SPTB: variants seen among roughly 807,000 people sequenced by gnomAD.
SPTB encodes the protein spectrin beta chain, erythrocytic.
A neutral mutation model predicts 256.2 loss-of-function variants in SPTB; 45 were observed. The ratio of observed to expected loss-of-function variants is 0.18; its 90% CI spans 0.14 to 0.23. SPTB has a LOEUF of 0.23. SPTB is among the 10% of genes least tolerant of loss of function. The pLI is 1.00. For missense variants in SPTB, 2,715 were observed against 3,040.4 expected, an observed-to-expected ratio of 0.89 and a Z score of 2.52; for synonymous variants, 1,231 against 1,243.1, an observed-to-expected ratio of 0.99 and a Z score of 0.21.
At position 64,785,890 on chromosome 14, in the gene SPTB, C is replaced by T. The variant is rs139262198; in HGVS notation, c.3623G>A (p.Arg1208Gln). ...AGACCCCAAGAAATCCTCAAACTTC[C>T]GGATCCCAGCCTCTGCAGCTTCCAG... is the stretch of plus-strand genomic sequence containing the variant. ...DSLEAAEAGI[R>Q]KFEDFLGSME... The change falls in exon 17 of 36, where the codon CGG (arginine) becomes CAG (glutamine). Residue 1208 changes from arginine to glutamine, a missense_variant. Arg to Gln is a conservative substitution (Grantham distance 43, BLOSUM62 1). Coordinates refer to ENST00000644917, the MANE Select transcript of SPTB (RefSeq NM_001355436.2). This position sits in a 1 kb window ranked among gnomAD's most constrained non-coding sequence, Gnocchi z 4.4. 2.0e-5 allele frequency: 32 copies of T among 1,614,118 alleles called. No homozygotes were observed. The highest frequency in any genetic ancestry group is 1.6e-4 in the East Asian group (7 of 44,878).
chr14:64,822,809 T>C (rs2083316812), intron 2 of SPTB, 138 bp downstream of exon 2: 2 of 1,358,060 alleles, frequency 1.5e-6, no homozygotes, highest in South Asian at 2.4e-5. Flanking sequence ...CCCACCTCCC[T>C]GAGCCCGACA....
Position 64,749,902 on chromosome 14 carries a change from C to T in SPTB, c.6776+79G>A, listed in dbSNP as rs1002512444. The T allele has an allele frequency of 5.7e-6, 9 of 1,588,460 alleles. No individual in the cohort carries two copies. The Admixed American group carries it at 1.2e-4, about 21-fold the overall frequency. On this transcript the variant is annotated intron_variant, in intron 34 of 35. Coordinates refer to ENST00000644917, the MANE Select transcript of SPTB (RefSeq NM_001355436.2). This position sits in a 1 kb window ranked among gnomAD's most constrained non-coding sequence, Gnocchi z 4.7. The stretch of plus-strand genomic sequence containing the variant: ...AGCAGCTCAGGCCTGGCACTGGTCC[C>T]CTACAGAGGGCCTCTGCCCTGCCAC...
chr14:64,856,628 C>A (rs1397119853), intron 1 of SPTB, among the ~76,000 whole-genome samples: 3 of 152,254 alleles, frequency 2.0e-5, no homozygotes, highest in Non-Finnish European at 4.4e-5. Flanking sequence ...TTAGCCAGGG[C>A]AAACTTTGCA....
rs187567924 is a variant in SPTB at position 64,841,517 on chromosome 14, A to G, written c.-51-18372T>C. ...GAGGCCCAGGAGGCTCTTCAGGGTC[A>G]CAGCTAATCCACGCCCTGAGATTTC... On this transcript the variant is annotated intron_variant, in intron 1 of 35. Coordinates refer to ENST00000644917, the MANE Select transcript of SPTB (RefSeq NM_001355436.2). The surrounding 1 kb of genome is among the most constrained non-coding windows in gnomAD (Gnocchi z 4.6). 8.3e-4 allele frequency among the ~76,000 whole-genome samples: 126 copies of G among 152,346 alleles called. 4 individuals are homozygous for G. In the East Asian group the frequency reaches 0.02, roughly 24 times the overall value.
At position 64,859,779 on chromosome 14, in the gene SPTB, G is replaced by A. The variant is rs961995575; in HGVS notation, c.-52+20013C>T. ...TGTATAAAAGAATATGGAGGAATAT[G>A]CATCAAATTATGGTCCATGATTATC... On this transcript the variant is annotated intron_variant, in intron 1 of 35. Coordinates refer to ENST00000644917, the MANE Select transcript of SPTB (RefSeq NM_001355436.2). Among the ~76,000 whole-genome samples the A allele has an allele frequency of 1.1e-4, 17 of 151,988 alleles. 1 individual carries two copies. Among genetic ancestry groups the A allele is most frequent in the Admixed American group, 9.8e-4 (15 of 15,266 alleles).
In SPTB at chr14:64,753,616, G is replaced by T. The variant is rs754077015; in HGVS notation, c.6523C>A (p.His2175Asn). ...EPATLPAPRD[H>N]GQSVQMEGYL... is the part of the protein sequence containing the mutation. ...CCTTCCATCTGCACACTCTGCCCATGGTCCCGCGGGGCCGGCAGCGTTGCG... is the reference window on the plus strand; with the variant it reads ...CCTTCCATCTGCACACTCTGCCCATTGTCCCGCGGGGCCGGCAGCGTTGCG... The change falls in exon 33 of 36, where the codon CAT becomes AAT. Residue 2175 changes from histidine to asparagine, a missense_variant. Around this residue, in one of 4 missense-constraint regions of SPTB, gnomAD observed 2,239 missense variants for 2,384.4 expected, o/e 0.94. Coordinates refer to ENST00000644917, the MANE Select transcript of SPTB (RefSeq NM_001355436.2). 7.4e-6 allele frequency: 12 copies of T among 1,613,542 alleles called. No individual in the cohort carries two copies.
chr14:64,875,866 C>T (rs917507533), intron 1 of SPTB, among the ~76,000 whole-genome samples: 1 of 152,178 alleles, frequency 6.6e-6, no homozygotes, highest in Admixed American at 6.5e-5. Flanking sequence ...CTTGATCTTC[C>T]CAAGTTCATT....
chr14:64,762,919 G>C (rs1449645366), intron 32 of SPTB, among the ~76,000 whole-genome samples: 1 of 152,238 alleles, frequency 6.6e-6, no homozygotes, highest in African/African-American at 2.4e-5. Context: ...GTGATTAGGA[G>C]CACCAATCCC....
intron 1 of SPTB, among the ~76,000 whole-genome samples, chr14:64,863,332 T>C (rs894333629): frequency 9.2e-5 from 14 of 152,216 alleles, no homozygotes; most frequent in African/African-American, 3.4e-4. Flanking sequence ...AAGATTCTCA[T>C]AACGTTTTTT....
At position 64,773,249 on chromosome 14, in the gene SPTB, C is replaced by T. The variant is rs777293570; in HGVS notation, c.5149G>A (p.Glu1717Lys). 6.2e-7 allele frequency: 1 copy of T among 1,614,264 alleles called. No homozygotes were observed. ...ACGTGGTCAAAGTCTTGCCCCATTTCCGGGGAAGAGGCCACTAGCTCCTTT... is the reference window on the plus strand; with the variant it reads ...ACGTGGTCAAAGTCTTGCCCCATTTTCGGGGAAGAGGCCACTAGCTCCTTT... ...SEKELVASSP[E>K]MGQDFDHVTL... Residue 1717 changes from glutamate (E) to lysine (K), a missense_variant, in exon 25 of 36, where the codon GAA (glutamate) becomes AAA (lysine). Transcript: ENST00000644917.
rs1209090678 is a variant in SPTB, at chr14:64,786,273, C to T, written c.3561+131G>A. Reference sequence around the variant, plus strand: ...GGCCCCTAATGAGAAACAAAGATTTCCCCCATGAGTGAATACAGAGTACAA... The same window carrying T: ...GGCCCCTAATGAGAAACAAAGATTTTCCCCATGAGTGAATACAGAGTACAA... On this transcript the variant is annotated intron_variant, in intron 16 of 35. Coordinates refer to ENST00000644917, the MANE Select transcript of SPTB (RefSeq NM_001355436.2). This position sits in a 1 kb window ranked among gnomAD's most constrained non-coding sequence, Gnocchi z 5.6. 188 of 1,308,088 alleles carry T rather than the reference C, an allele frequency of 1.4e-4. No homozygotes were observed. The highest frequency in any genetic ancestry group is 1.8e-4 in the Non-Finnish European group (169 of 915,072). 81.0% of individuals were successfully genotyped at this position (1,308,088 alleles called of 1,614,324 possible).
In SPTB at chr14:64,779,843, G is replaced by A. The variant is rs768609633; in HGVS notation, c.4355C>T (p.Ala1452Val). 3.5e-5 allele frequency: 57 copies of A among 1,614,026 alleles called. No homozygotes were observed. The highest frequency in any genetic ancestry group is 3.5e-4 in the South Asian group (32 of 91,078). ...VPSMGEEGGD[A>V]DLSIEKRFLD... The stretch of plus-strand genomic sequence containing the variant: ...GAACCGCTTCTCGATGCTCAAGTCT[G>A]CATCTCCTCCCTCCTCTCCCATTGA... Residue 1452 changes from alanine (A) to valine (V), a missense_variant, in exon 21 of 36, where the codon GCA (alanine) becomes GTA (valine). Physicochemically the swap from Ala to Val is moderately conservative, Grantham distance 64 (BLOSUM62 0). Coordinates refer to ENST00000644917, the MANE Select transcript of SPTB (RefSeq NM_001355436.2). The surrounding 1 kb of genome is among the most constrained non-coding windows in gnomAD (Gnocchi z 4.2).
chr14:64,787,818 C>G (rs1472596584), intron 15 of SPTB, among the ~76,000 whole-genome samples: 1 of 152,208 alleles, frequency 6.6e-6, no homozygotes, highest in East Asian at 1.9e-4. Flanking sequence ...GGCCTGGGGT[C>G]AGTCTGCAGT....
intron 1 of SPTB, among the ~76,000 whole-genome samples, chr14:64,831,894 T>C (rs967893121): frequency 2.6e-5 from 4 of 152,248 alleles, no homozygotes; most frequent in South Asian, 2.1e-4. Flanking sequence ...AAAAAATATA[T>C]GCATGTAAGC....
At position 64,787,319 on chromosome 14, in the gene SPTB, G is replaced by A. The variant is rs538816382; in HGVS notation, c.2805-159C>T. On this transcript the variant is annotated intron_variant, in intron 15 of 35. Coordinates refer to ENST00000644917, the MANE Select transcript of SPTB (RefSeq NM_001355436.2). ...AAAAAATCTACCTAACGAAGTGTAG[G>A]TGAGCAAAATTCACTTCTCCAATTT... Among the ~76,000 whole-genome samples, 4 of 152,158 alleles carry A rather than the reference G, an allele frequency of 2.6e-5. No homozygotes were observed. The South Asian group carries it at 6.2e-4, about 24-fold the overall frequency.
chr14:64,844,211 T>A lies in SPTB; in HGVS notation c.-51-21066A>T, dbSNP rs1051973151. Among the ~76,000 whole-genome samples, 1 of 151,962 alleles carries A rather than the reference T, an allele frequency of 6.6e-6. No individual in the cohort carries two copies. Among genetic ancestry groups the A allele is most frequent in the Non-Finnish European group, 1.5e-5 (1 of 67,972 alleles). On this transcript the variant is annotated intron_variant, in intron 1 of 35. Coordinates refer to ENST00000644917, the MANE Select transcript of SPTB (RefSeq NM_001355436.2). The surrounding 1 kb of genome is among the most constrained non-coding windows in gnomAD (Gnocchi z 4.1). ...TCATGGAGAAAAAAAAAATGAGAGC[T>A]AGAAAGCCCAGCCTGTCTTTATTAT...
chr14:64,851,386 A>C (rs1465739429), intron 1 of SPTB, among the ~76,000 whole-genome samples: 1 of 152,220 alleles, frequency 6.6e-6, no homozygotes, highest in Non-Finnish European at 1.5e-5. Flanking sequence ...AATATTAAAG[A>C]CTTCATATAT....
At chr14:64,766,411 T>G in intron 32 of SPTB, 2 of 1,374,010 alleles carry the variant, frequency 1.5e-6, no homozygotes, top group Non-Finnish European at 1.9e-6. Context: ...GTGTTTCCCC[T>G]CATGTAAATG....
At chr14:64,813,245 G>T (rs750011328) in intron 2 of SPTB, among the ~76,000 whole-genome samples, 2 of 152,152 alleles carry the variant, frequency 1.3e-5, no homozygotes, top group Non-Finnish European at 2.9e-5. Context: ...AAACCCTGGG[G>T]ACTAATAGAT....
Sources: allele counts gnomAD v4.1 joint callset (sites outside exome capture counted in the v4.1 genomes callset), GRCh38; gene constraint gnomAD v4.1.1; regional missense constraint gnomAD v4.1.1; non-coding constraint Gnocchi (gnomAD v3.1); transcripts MANE v1.5; gene names NCBI Gene and HGNC (gene_info 2026-07-23, HGNC 2026-07-21).